Variants in PRICKLE1 observed in about 807,000 individuals in gnomAD.
PRICKLE1 encodes the protein prickle planar cell polarity protein 1, also known as prickle-like protein 1.
A neutral mutation model predicts 70.2 loss-of-function variants in PRICKLE1; 14 were observed. That is an observed-to-expected ratio of 0.20 (90% CI 0.13 to 0.31). The LOEUF (loss-of-function observed/expected upper bound fraction) is 0.31, where lower values mean the gene tolerates loss of function less well. Among genes scored for constraint, PRICKLE1 ranks in the 10% least tolerant of loss-of-function variants. PRICKLE1 has a pLI of 1.00. For missense variants in PRICKLE1, 821 were observed against 1,026.2 expected, an observed-to-expected ratio of 0.80 and a Z score of 2.73; for synonymous variants, 357 against 379.9, an observed-to-expected ratio of 0.94 and a Z score of 0.70.
intron 1 of PRICKLE1, chr12:42,489,941 T>C (rs971130676): frequency 6.6e-6 from 1 of 152,206 alleles, no homozygotes; most frequent in Non-Finnish European, 1.5e-5. Context: ...GGGTATTACT[T>C]GTTGAAGGGC....
chr12:42,569,484 T>C (rs1940673199), intron 1 of PRICKLE1, among the ~76,000 whole-genome samples: 1 of 152,188 alleles, frequency 6.6e-6, no homozygotes, highest in African/African-American at 2.4e-5. Context: ...TGTGGGAAGA[T>C]TTCTGTGAGC....
intron 1 of PRICKLE1, among the ~76,000 whole-genome samples, chr12:42,523,028 C>T (rs1939739093): frequency 6.7e-6 from 1 of 150,308 alleles, no homozygotes. Context: ...GTGGCACGAT[C>T]TCGGCTCACT....
At chr12:42,560,131 A>G in intron 1 of PRICKLE1, among the ~76,000 whole-genome samples, 1 of 145,698 alleles carries the variant, frequency 6.9e-6, no homozygotes. Context: ...TATTATTATT[A>G]TTATTATTAT....
chr12:42,503,945 G>A (rs1311913642), intron 1 of PRICKLE1, among the ~76,000 whole-genome samples: 1 of 152,162 alleles, frequency 6.6e-6, no homozygotes, highest in African/African-American at 2.4e-5. Flanking sequence ...AATTCTTGGG[G>A]AAAAGTGGTT....
intron 1 of PRICKLE1, among the ~76,000 whole-genome samples, chr12:42,509,581 A>G (rs1432037408): frequency 6.6e-6 from 1 of 152,172 alleles, no homozygotes; most frequent in East Asian, 1.9e-4. Context: ...TGCTCAGTGC[A>G]GCAACACATA....
intron 1 of PRICKLE1, among the ~76,000 whole-genome samples, chr12:42,499,110 T>A (rs2708043): frequency 0.17 from 26,487 of 152,210 alleles, 3,061 homozygotes; most frequent in African/African-American, 0.31. Context: ...TTATTATACC[T>A]GCTATAACTT....
intron 1 of PRICKLE1, among the ~76,000 whole-genome samples, chr12:42,562,217 A>G (rs1022223521): frequency 1.4e-4 from 21 of 151,928 alleles, no homozygotes; most frequent in Non-Finnish European, 2.5e-4. Flanking sequence ...GCTCCCACCC[A>G]TTTTCAAATC....
chr12:42,471,156 G>C (rs1426593453), intron 2 of PRICKLE1, among the ~76,000 whole-genome samples: 2 of 152,142 alleles, frequency 1.3e-5, no homozygotes, highest in African/African-American at 4.8e-5. Context: ...AGCTTTCTTT[G>C]CTTCCATGAG....
chr12:42,474,165 G>C (rs113281167), intron 1 of PRICKLE1, among the ~76,000 whole-genome samples: 1 of 152,058 alleles, frequency 6.6e-6, no homozygotes, highest in Non-Finnish European at 1.5e-5. Context: ...CCAGCTACTC[G>C]GGAGGCTGAG....
At chr12:42,564,931 C>G (rs565712495) in intron 1 of PRICKLE1, among the ~76,000 whole-genome samples, 3 of 152,268 alleles carry the variant, frequency 2.0e-5, no homozygotes, top group South Asian at 4.1e-4. Context: ...TATTTAAATA[C>G]GTCAGGGCAG....
At chr12:42,571,157 CAG>C (rs1940705468) in intron 1 of PRICKLE1, among the ~76,000 whole-genome samples, 1 of 151,826 alleles carries the variant, frequency 6.6e-6, no homozygotes, top group African/African-American at 2.4e-5. Flanking sequence ...CACTGAGAAA[CAG>C]AGACTAAAAT....
rs117372540 is a variant in PRICKLE1, at chr12:42,582,951, A to G, written c.-49+6514T>C. Among the ~76,000 whole-genome samples the G allele has an allele frequency of 3.0e-4, 45 of 152,298 alleles. 1 individual carries two copies. In the East Asian group the frequency reaches 8.1e-3, roughly 27 times the overall value. ...CCCCTGAATTCTAGCCCCTTTTCAGATCCCAAATTAGGAACTTAGATTATT... is the reference window on the plus strand; with the variant it reads ...CCCCTGAATTCTAGCCCCTTTTCAGGTCCCAAATTAGGAACTTAGATTATT... On this transcript the variant is annotated intron_variant, in intron 1 of 7. Coordinates refer to ENST00000345127, the MANE Select transcript of PRICKLE1 (RefSeq NM_153026.3).
chr12:42,525,062 C>T (rs1416170157), intron 1 of PRICKLE1: 1 of 152,102 alleles, frequency 6.6e-6, no homozygotes, highest in Non-Finnish European at 1.5e-5. Flanking sequence ...AAGACCAAGG[C>T]AGGATCAGAG....
intron 1 of PRICKLE1, among the ~76,000 whole-genome samples, chr12:42,514,891 A>ATCTATCTG (rs1555235175): frequency 8.4e-5 from 3 of 35,596 alleles, no homozygotes; most frequent in Non-Finnish European, 1.8e-4. Flanking sequence ...GGCTCGCTCT[A>ATCTATCTG]TCTATCTATC....
chr12:42,534,866 G>A (rs957254020), intron 1 of PRICKLE1, among the ~76,000 whole-genome samples: 3 of 152,188 alleles, frequency 2.0e-5, no homozygotes, highest in African/African-American at 7.2e-5. Flanking sequence ...CTTGTCTAAA[G>A]CCATGGAGTA....
At chr12:42,562,076 T>TA (rs1940526727) in intron 1 of PRICKLE1, among the ~76,000 whole-genome samples, 1 of 151,932 alleles carries the variant, frequency 6.6e-6, no homozygotes, top group African/African-American at 2.4e-5. Flanking sequence ...TGCACCCAGG[T>TA]AAGTTTTGTA....
chr12:42,580,546 G>C (rs1236709679), intron 1 of PRICKLE1, among the ~76,000 whole-genome samples: 2 of 152,126 alleles, frequency 1.3e-5, no homozygotes, highest in Non-Finnish European at 2.9e-5. Context: ...TTTAAATTGG[G>C]AGATACTTTG....
At chr12:42,506,133 T>G (rs979502890) in intron 1 of PRICKLE1, among the ~76,000 whole-genome samples, 2 of 151,606 alleles carry the variant, frequency 1.3e-5, no homozygotes, top group African/African-American at 2.4e-5. Flanking sequence ...CTCTCAGGAC[T>G]TTTATGAAAA....
intron 1 of PRICKLE1, among the ~76,000 whole-genome samples, chr12:42,504,579 C>A (rs1178381489): frequency 6.6e-6 from 1 of 152,034 alleles, no homozygotes; most frequent in Admixed American, 6.6e-5. Context: ...TGCTCTGTGG[C>A]TGTAAGTAAC....
Sources: allele counts gnomAD v4.1 joint callset (sites outside exome capture counted in the v4.1 genomes callset), GRCh38; gene constraint gnomAD v4.1.1; transcripts MANE v1.5; gene names NCBI Gene and HGNC (gene_info 2026-07-23, HGNC 2026-07-21).